SYNCRIP: variants seen among roughly 807,000 people sequenced by gnomAD.
SYNCRIP encodes the protein heterogeneous nuclear ribonucleoprotein Q.
Under a neutral mutation model 68.9 loss-of-function variants are expected in SYNCRIP, and 9 were observed. The observed-to-expected ratio is 0.13, with a 90% CI of 0.08 to 0.23. The LOEUF is 0.23. Ranked by LOEUF, SYNCRIP falls within the 10% of genes least tolerant of loss-of-function variation. The pLI, the probability that SYNCRIP is intolerant of heterozygous loss-of-function variation, is 1.00. For missense variants in SYNCRIP, 414 were observed against 770.6 expected, an observed-to-expected ratio of 0.54 and a Z score of 5.48; for synonymous variants, 258 against 254.0, an observed-to-expected ratio of 1.02 and a Z score of -0.15.
intron 6 of SYNCRIP, among the ~76,000 whole-genome samples, chr6:85,633,075 A>C (rs543990575): frequency 2.0e-5 from 3 of 151,072 alleles, no homozygotes; most frequent in African/African-American, 4.9e-5. Context: ...ACACGGTGAA[A>C]CCCTGTCTCT....
At chr6:85,613,255 G>C (rs1197899671), downstream of SYNCRIP, among the ~76,000 whole-genome samples, 2 of 151,678 alleles carry the variant, frequency 1.3e-5, no homozygotes, top group African/African-American at 2.4e-5. Context: ...CCATTAACTT[G>C]CAAGTAATTC....
chr6:85,627,729 T>G (rs570240756), intron 6 of SYNCRIP, among the ~76,000 whole-genome samples: 1 of 152,184 alleles, frequency 6.6e-6, no homozygotes, highest in Non-Finnish European at 1.5e-5. Flanking sequence ...TCTAGAAAGG[T>G]TGGCCCTGAA....
intron 2 of SYNCRIP, 29 bp downstream of exon 2, chr6:85,641,260 CATA>C (rs1809109036): frequency 6.3e-7 from 1 of 1,578,412 alleles, no homozygotes; most frequent in African/African-American, 1.4e-5. Context: ...AGAAAAATTT[CATA>C]ATGTAATTTT....
chr6:85,641,980 G>C (rs1048485804), intron 1 of SYNCRIP, among the ~76,000 whole-genome samples: 1 of 152,094 alleles, frequency 6.6e-6, no homozygotes, highest in Non-Finnish European at 1.5e-5. Context: ...ACCCAGAGCG[G>C]CAGTCTCACC....
Position 85,614,590 on chromosome 6 carries a change from G to C in SYNCRIP, c.*166C>G. On this transcript the variant is annotated 3_prime_UTR_variant, in exon 11 of 11. Transcript: ENST00000369622. Reference sequence around the variant, plus strand: ...AATTAAAAATAAAATCAGTTCGCCAGAAGCAGTTAGAAGTGTGGCTTTGTT... The same window carrying C: ...AATTAAAAATAAAATCAGTTCGCCACAAGCAGTTAGAAGTGTGGCTTTGTT... 1 of 1,280,940 alleles carries C rather than the reference G, an allele frequency of 7.8e-7. No homozygotes were observed. The highest frequency in any genetic ancestry group is 9.9e-7 in the Non-Finnish European group (1 of 1,014,722). 79.3% of individuals were successfully genotyped at this position (1,280,940 alleles called of 1,614,324 possible).
At chr6:85,633,307 T>A (rs1457303618) in intron 6 of SYNCRIP, among the ~76,000 whole-genome samples, 1 of 149,806 alleles carries the variant, frequency 6.7e-6, no homozygotes, top group Non-Finnish European at 1.5e-5. Flanking sequence ...ACAATTTACT[T>A]AAAAGTAGGC....
chr6:85,641,571 T>C, intron 1 of SYNCRIP, 120 bp from the exon 2 acceptor site: 2 of 978,006 alleles, frequency 2.0e-6, no homozygotes, highest in Non-Finnish European at 1.5e-6. Context: ...TACCTCCCTT[T>C]AAAAAAGCCT....
chr6:85,614,626 C>A lies in SYNCRIP; in HGVS notation c.*130G>T. ...AAGTGTGGCTTTGTTCGTGTCCAAG[C>A]GGATTGTTAAAATATATACATAAAG... On this transcript the variant is annotated 3_prime_UTR_variant, in exon 11 of 11. Coordinates refer to ENST00000369622, the MANE Select transcript of SYNCRIP (RefSeq NM_006372.5). 1.5e-6 allele frequency: 2 copies of A among 1,339,678 alleles called. No homozygotes were observed. The highest frequency in any genetic ancestry group is 1.5e-5 in the African/African-American group (1 of 66,288). 83.0% of individuals were successfully genotyped at this position (1,339,678 alleles called of 1,614,324 possible).
chr6:85,633,320 G>A (rs1381876880), intron 6 of SYNCRIP, among the ~76,000 whole-genome samples: 4 of 151,112 alleles, frequency 2.6e-5, no homozygotes, highest in Non-Finnish European at 5.9e-5. Context: ...AAGTAGGCTG[G>A]GTGTGGTGGC....
Position 85,641,558 on chromosome 6 carries a change from C to G in SYNCRIP, c.-12-107G>C, listed in dbSNP as rs1272132535. ...TCTACCATTTACTACACCAGCTAGC[C>G]TATACCTCCCTTTAAAAAAGCCTTA... is the stretch of plus-strand genomic sequence containing the variant. On this transcript the variant is annotated intron_variant, in intron 1 of 10. Transcript: ENST00000369622. The G allele has an allele frequency of 8.1e-6, 9 of 1,107,018 alleles. No homozygotes were observed. In the Admixed American group the frequency reaches 1.7e-4, roughly 20 times the overall value. 68.6% of individuals were successfully genotyped at this position (1,107,018 alleles called of 1,614,324 possible).
At chr6:85,629,008 CCTTTATTGT>C (rs1348146430) in intron 6 of SYNCRIP, among the ~76,000 whole-genome samples, 1 of 147,898 alleles carries the variant, frequency 6.8e-6, no homozygotes, top group Non-Finnish European at 1.5e-5. Context: ...CTCCTCCTGG[CCTTTATTGT>C]CTTTATTCAA....
intron 6 of SYNCRIP, among the ~76,000 whole-genome samples, chr6:85,633,544 TCACAC>T (rs1401544580): frequency 6.6e-6 from 1 of 151,842 alleles, no homozygotes; most frequent in African/African-American, 2.4e-5. Context: ...TGAGTTGAGA[TCACAC>T]CACTGCACCC....
In SYNCRIP at chr6:85,614,673, A is replaced by T; in HGVS notation, c.*83T>A. Reference sequence around the variant, plus strand: ...AAAGGGAAATCTTGCCAGATGTCACAAATTATAGCGGCACCCGTTCAGATT... The same window carrying T: ...AAAGGGAAATCTTGCCAGATGTCACTAATTATAGCGGCACCCGTTCAGATT... On this transcript the variant is annotated 3_prime_UTR_variant, in exon 11 of 11. Transcript: ENST00000369622. The T allele has an allele frequency of 1.1e-5, 16 of 1,459,070 alleles. No individual in the cohort carries two copies. The highest frequency in any genetic ancestry group is 1.4e-5 in the Non-Finnish European group (16 of 1,105,004). 90.4% of individuals were successfully genotyped at this position (1,459,070 alleles called of 1,614,324 possible).
At chr6:85,623,579 A>AAAAAAAAAAAAAAAAAAAAAAAAC (rs1554184894) in intron 7 of SYNCRIP, among the ~76,000 whole-genome samples, 27 of 125,876 alleles carry the variant, frequency 2.1e-4, no homozygotes, top group Non-Finnish European at 4.2e-4. Flanking sequence ...AAAAAAAAAA[A>AAAAAAAAAAAAAAAAAAAAAAAAC]AAAACACTCT....
At chr6:85,609,378 CATTCT>C (rs1318107673), downstream of SYNCRIP, 16 of 151,912 alleles carry the variant, frequency 1.1e-4, no homozygotes, top group Non-Finnish European at 1.8e-4. Flanking sequence ...GCTTGATGTT[CATTCT>C]ATTCTTTAAA....
intron 6 of SYNCRIP, among the ~76,000 whole-genome samples, chr6:85,634,384 A>G (rs2128297996): frequency 6.6e-6 from 1 of 152,308 alleles, no homozygotes; most frequent in African/African-American, 2.4e-5. Context: ...TAGGTAACCT[A>G]CGATGTCAGT....
intron 10 of SYNCRIP, among the ~76,000 whole-genome samples, chr6:85,616,370 G>C (rs895360617): frequency 6.6e-6 from 1 of 152,146 alleles, no homozygotes; most frequent in East Asian, 1.9e-4. Context: ...CTGTCACCCA[G>C]GCTGCAATGC....
chr6:85,622,654 G>A lies in SYNCRIP; in HGVS notation c.836C>T (p.Pro279Leu), dbSNP rs1806542318. The change falls in exon 8 of 11, where the codon CCG becomes CTG. Residue 279 changes from proline (P) to leucine (L), a missense_variant. Coordinates refer to ENST00000369622, the MANE Select transcript of SYNCRIP (RefSeq NM_006372.5). ...GLTDVILYHQPDDKKKNRGFC... is the reference protein window; with the variant it reads ...GLTDVILYHQLDDKKKNRGFC... Reference sequence around the variant, plus strand: ...GCCTCTGTTTTTTTTCTTGTCATCCGGTTGGTGGTATAAAATGACGTCTGT... The same window carrying A: ...GCCTCTGTTTTTTTTCTTGTCATCCAGTTGGTGGTATAAAATGACGTCTGT... The A allele has an allele frequency of 1.2e-6, 2 of 1,613,968 alleles. No individual in the cohort carries two copies. The highest frequency in any genetic ancestry group is 8.5e-7 in the Non-Finnish European group (1 of 1,180,032).
chr6:85,634,640 T>C (rs1808237992), intron 6 of SYNCRIP, among the ~76,000 whole-genome samples: 1 of 152,128 alleles, frequency 6.6e-6, no homozygotes, highest in East Asian at 1.9e-4. Flanking sequence ...GCTGAAACTG[T>C]GAATGCAGGA....
Sources: allele counts gnomAD v4.1 joint callset (sites outside exome capture counted in the v4.1 genomes callset), GRCh38; gene constraint gnomAD v4.1.1; transcripts MANE v1.5; gene names NCBI Gene and HGNC (gene_info 2026-07-23, HGNC 2026-07-21).